The following APLP2 variants were observed in gnomAD, a reference collection of about 807,000 sequenced individuals.
APLP2 encodes the protein amyloid beta precursor like protein 2, also known as CDEI box-binding protein.
APLP2 carries 53 observed loss-of-function variants against 89.9 expected under a neutral mutation model. The observed-to-expected ratio is 0.59, with a 90% confidence interval of 0.47 to 0.74. APLP2 has a LOEUF of 0.74. Among genes scored for constraint, APLP2 ranks in the 30% least tolerant of loss-of-function variants. The pLI is 0.00. For missense variants in APLP2, 973 were observed against 975.9 expected (o/e 1.00, Z 0.04); for synonymous variants, 372 against 348.6 (o/e 1.07, Z -0.75).
intron 3 of APLP2, among the ~76,000 whole-genome samples, chr11:130,118,071 C>G (rs1469802572): frequency 7.9e-6 from 1 of 126,920 alleles, no homozygotes; most frequent in African/African-American, 3.8e-5. Context: ...AGCGAGACTC[C>G]ATCTCAAAAA....
chr11:130,137,544 A>G (rs1951781215), intron 13 of APLP2, among the ~76,000 whole-genome samples: 2 of 152,234 alleles, frequency 1.3e-5, no homozygotes, highest in Non-Finnish European at 2.9e-5. Context: ...CTGGGATGTC[A>G]GAGAATGCAC....
chr11:130,127,878 A>G (rs1185793266), intron 9 of APLP2, 38 bp downstream of exon 9: 1 of 1,581,148 alleles, frequency 6.3e-7, no homozygotes, highest in African/African-American at 1.3e-5. Flanking sequence ...TTTCAGCCTG[A>G]CCATTGGAAA....
chr11:130,096,967 A>T (rs945329356), intron 1 of APLP2, among the ~76,000 whole-genome samples: 1 of 152,186 alleles, frequency 6.6e-6, no homozygotes, highest in Admixed American at 6.5e-5. Flanking sequence ...TAAATTGTTG[A>T]TAATTACAAT....
intron 1 of APLP2, among the ~76,000 whole-genome samples, chr11:130,096,838 G>A (rs1207754229): frequency 6.6e-6 from 1 of 152,072 alleles, no homozygotes; most frequent in Non-Finnish European, 1.5e-5. Context: ...TCCTGCTGTC[G>A]TTTATGCATT....
intron 13 of APLP2, 117 bp from the exon 14 acceptor site, chr11:130,140,281 G>T (rs1013797851): frequency 1.1e-5 from 7 of 646,522 alleles, no homozygotes; most frequent in Admixed American, 3.2e-5. Flanking sequence ...GATGAGTCGC[G>T]TGGGGAGGTG....
At chr11:130,094,047 ATTTTTTTTTTTT>A (rs138605738) in intron 1 of APLP2, among the ~76,000 whole-genome samples, 3 of 76,384 alleles carry the variant, frequency 3.9e-5, no homozygotes, top group African/African-American at 1.0e-4. Flanking sequence ...TCCCGGCCGT[ATTTTTTTTTTTT>A]TTTTTTTTTT....
intron 1 of APLP2, among the ~76,000 whole-genome samples, chr11:130,105,894 G>T (rs1220008955): frequency 1.3e-5 from 2 of 151,888 alleles, no homozygotes; most frequent in Non-Finnish European, 2.9e-5. Flanking sequence ...GTAGAGATGG[G>T]GTTTGTCCAT....
At position 130,141,812 on chromosome 11, in the gene APLP2, G is replaced by A. The variant is rs1346618550; in HGVS notation, c.1999-107G>A. ...AAAGCAGGATCTTGGTGCTACTTTG[G>A]GTTTTAGGGGCTCGACCTTCCAGGA... On this transcript the variant is annotated intron_variant, in intron 15 of 16. Coordinates refer to ENST00000338167, the MANE Select transcript of APLP2 (RefSeq NM_001142276.2). This position sits in a 1 kb window ranked among gnomAD's most constrained non-coding sequence, Gnocchi z 4.2. 2 of 1,379,354 alleles carry A rather than the reference G, an allele frequency of 1.4e-6. No homozygotes were observed. The highest frequency in any genetic ancestry group is 2.3e-5 in the East Asian group (1 of 42,942). The allele number at this position is 1,379,354 out of a possible 1,614,324, so 85.4% of individuals were successfully genotyped here.
chr11:130,126,955 G>A (rs2136001854), intron 8 of APLP2, 125 bp downstream of exon 8: 1 of 1,322,026 alleles, frequency 7.6e-7, no homozygotes, highest in Non-Finnish European at 1.1e-6. Context: ...TGGTGAGTCA[G>A]GAGAGAGTTA....
chr11:130,096,984 C>T (rs1393046637), intron 1 of APLP2, among the ~76,000 whole-genome samples: 6 of 152,176 alleles, frequency 3.9e-5, no homozygotes, highest in African/African-American at 1.4e-4. Flanking sequence ...CAATAATGCA[C>T]ATGGGCATGG....
Position 130,123,990 on chromosome 11 carries a change from G to A in APLP2, c.1090+211G>A, listed in dbSNP as rs921800316. On this transcript the variant is annotated intron_variant, in intron 7 of 16. Coordinates refer to ENST00000338167, the MANE Select transcript of APLP2 (RefSeq NM_001142276.2). This position sits in a 1 kb window ranked among gnomAD's most constrained non-coding sequence, Gnocchi z 4.0. ...TCAGTTCTCGTGTCCTGTGCTCACC[G>A]TGTGTCTGGTGGTGCTTGGTGGTGA... Among the ~76,000 whole-genome samples, 7 of 152,152 alleles carry A rather than the reference G, an allele frequency of 4.6e-5. No individual in the cohort carries two copies. Among genetic ancestry groups the A allele is most frequent in the African/African-American group, 1.7e-4 (7 of 41,436 alleles).
At chr11:130,076,542 A>G (rs193027514) in intron 1 of APLP2, among the ~76,000 whole-genome samples, 5 of 152,336 alleles carry the variant, frequency 3.3e-5, no homozygotes, top group Admixed American at 3.3e-4. Flanking sequence ...GGCTGCCAGC[A>G]CCAGATACTC....
chr11:130,115,789 G>A (rs1156634571), intron 3 of APLP2, among the ~76,000 whole-genome samples: 2 of 152,180 alleles, frequency 1.3e-5, no homozygotes, highest in Non-Finnish European at 2.9e-5. Flanking sequence ...ATGAAAAATT[G>A]TAGCAAAGGC....
chr11:130,102,564 T>C (rs1170099386), intron 1 of APLP2, among the ~76,000 whole-genome samples: 2 of 152,190 alleles, frequency 1.3e-5, no homozygotes, highest in Non-Finnish European at 2.9e-5. Context: ...GAATAGTAGC[T>C]TCAATGAGGG....
chr11:130,123,849 T>C lies in APLP2; in HGVS notation c.1090+70T>C. 3.2e-6 allele frequency: 5 copies of C among 1,552,682 alleles called. No homozygotes were observed. Among genetic ancestry groups the C allele is most frequent in the Non-Finnish European group, 4.4e-6 (5 of 1,138,292 alleles). Reference sequence around the variant, plus strand: ...TCTGGCGTCCGTCTCCCTGCCGTCTTCGTGGCTGCATCTGTGTGGTGTCCC... The same window carrying C: ...TCTGGCGTCCGTCTCCCTGCCGTCTCCGTGGCTGCATCTGTGTGGTGTCCC... On this transcript the variant is annotated intron_variant, in intron 7 of 16. Transcript: ENST00000338167. The surrounding 1 kb of genome is among the most constrained non-coding windows in gnomAD (Gnocchi z 4.0).
At chr11:130,117,099 C>A (rs1949276695) in intron 3 of APLP2, among the ~76,000 whole-genome samples, 1 of 151,890 alleles carries the variant, frequency 6.6e-6, no homozygotes, top group South Asian at 2.1e-4. Flanking sequence ...CCACTGTACT[C>A]CAGCCTGGGT....
chr11:130,083,731 G>A (rs940726636), intron 1 of APLP2, among the ~76,000 whole-genome samples: 8 of 151,844 alleles, frequency 5.3e-5, no homozygotes, highest in East Asian at 3.9e-4. Context: ...TTCATCTCTC[G>A]ATGGACATTT....
At chr11:130,137,182 A>T in intron 13 of APLP2, 1 of 1,342,394 alleles carries the variant, frequency 7.4e-7, no homozygotes, top group Non-Finnish European at 1.1e-6. Context: ...AGAAATTTTA[A>T]AAGAAGCCAT....
chr11:130,105,923 G>T (rs866576662), intron 1 of APLP2, among the ~76,000 whole-genome samples: 1 of 151,900 alleles, frequency 6.6e-6, no homozygotes, highest in Admixed American at 6.6e-5. Context: ...GTCTGGTCTC[G>T]AACTCCCGAC....
Sources: allele counts gnomAD v4.1 joint callset (sites outside exome capture counted in the v4.1 genomes callset), GRCh38; gene constraint gnomAD v4.1.1; non-coding constraint Gnocchi (gnomAD v3.1); transcripts MANE v1.5; gene names NCBI Gene and HGNC (gene_info 2026-07-23, HGNC 2026-07-21).